The following FANCL variants were observed in gnomAD, a reference collection of about 807,000 sequenced individuals.
The protein encoded by FANCL is E3 ubiquitin-protein ligase FANCL.
A neutral mutation model predicts 59.4 loss-of-function variants in FANCL; 69 were observed. The ratio of observed to expected loss-of-function variants is 1.16; its 90% confidence interval spans 0.96 to 1.42. The LOEUF is 1.42. FANCL is among the 40% of genes most tolerant of loss of function. The pLI is 0.00. For missense variants in FANCL, 519 were observed against 447.2 expected, an observed-to-expected ratio of 1.16 and a Z score of -1.45; for synonymous variants, 180 against 147.1, an observed-to-expected ratio of 1.22 and a Z score of -1.62.
intron 1 of FANCL, among the ~76,000 whole-genome samples, chr2:58,233,933 G>A (rs1693795446): frequency 6.6e-6 from 1 of 151,960 alleles, no homozygotes; most frequent in Non-Finnish European, 1.5e-5. Context: ...GGGAAACTTA[G>A]GCTCTTATAC....
At chr2:58,181,209 TACTC>T (rs1687909099) in intron 7 of FANCL, among the ~76,000 whole-genome samples, 1 of 152,070 alleles carries the variant, frequency 6.6e-6, no homozygotes, top group Non-Finnish European at 1.5e-5. Flanking sequence ...AATGGACTAT[TACTC>T]AGGAATAAAA....
chr2:58,168,120 T>C (rs1219663817), intron 7 of FANCL, among the ~76,000 whole-genome samples: 1 of 152,186 alleles, frequency 6.6e-6, no homozygotes, highest in Admixed American at 6.5e-5. Flanking sequence ...CTAAAAAATA[T>C]TTTTAAAAAT....
intron 13 of FANCL, 131 bp downstream of exon 13, chr2:58,159,977 T>A (rs1476424678): frequency 1.4e-5 from 21 of 1,531,408 alleles, no homozygotes; most frequent in Admixed American, 2.2e-5. Context: ...TCAGAGAATT[T>A]GAAAAATAGA....
intron 7 of FANCL, among the ~76,000 whole-genome samples, chr2:58,198,166 G>A (rs1490077999): frequency 6.6e-6 from 1 of 151,946 alleles, no homozygotes; most frequent in Non-Finnish European, 1.5e-5. Context: ...AAGCATTATA[G>A]AAGGTGTGTT....
At chr2:58,203,806 T>C (rs562730257) in intron 6 of FANCL, among the ~76,000 whole-genome samples, 23 of 152,164 alleles carry the variant, frequency 1.5e-4, no homozygotes, top group Non-Finnish European at 2.9e-4. Flanking sequence ...CTTGGGATAG[T>C]GGAAGTGTCC....
At chr2:58,219,240 G>A (rs1206140733) in intron 5 of FANCL, among the ~76,000 whole-genome samples, 1 of 127,680 alleles carries the variant, frequency 7.8e-6, no homozygotes, top group Non-Finnish European at 1.6e-5. Context: ...GGACACAGGA[G>A]CCAACTGAAA....
intron 7 of FANCL, among the ~76,000 whole-genome samples, chr2:58,192,487 C>T (rs1026865691): frequency 6.6e-6 from 1 of 151,844 alleles, no homozygotes; most frequent in South Asian, 2.1e-4. Context: ...ATAATAAAAA[C>T]GAGGGTGACA....
chr2:58,232,051 C>G lies in FANCL; in HGVS notation c.155+3G>C. Reference sequence around the variant, plus strand: ...GCACGTTTATAACTAAACACCATATCACCTTGCATTCTTCAGTTGTAAATC... The same window carrying G: ...GCACGTTTATAACTAAACACCATATGACCTTGCATTCTTCAGTTGTAAATC... On this transcript the variant is annotated splice_donor_region_variant and intron_variant, in intron 2 of 13. Coordinates refer to ENST00000233741, the MANE Select transcript of FANCL (RefSeq NM_018062.4). 6.2e-7 allele frequency: 1 copy of G among 1,612,808 alleles called. No homozygotes were observed.
rs181434409 is a variant in FANCL, at chr2:58,185,038, A to G, written c.540+13556T>C. On this transcript the variant is annotated intron_variant, in intron 7 of 13. Transcript: ENST00000233741. ...CAGGAGAAAAAAGAGGCACAGGCCAAACAAGAGAAACTAGAAAACTACCTC... is the reference window on the plus strand; with the variant it reads ...CAGGAGAAAAAAGAGGCACAGGCCAGACAAGAGAAACTAGAAAACTACCTC... Among the ~76,000 whole-genome samples the G allele has an allele frequency of 5.5e-3, 836 of 152,260 alleles. 10 individuals carry two copies. The highest frequency in any genetic ancestry group is 0.017 in the Admixed American group (259 of 15,266).
intron 7 of FANCL, among the ~76,000 whole-genome samples, chr2:58,180,235 G>A (rs982657717): frequency 2.6e-5 from 4 of 152,100 alleles, no homozygotes; most frequent in African/African-American, 7.2e-5. Context: ...TATACCCAAA[G>A]AATTATAAAT....
chr2:58,205,116 G>T (rs1344896518), intron 5 of FANCL, among the ~76,000 whole-genome samples: 1 of 152,012 alleles, frequency 6.6e-6, no homozygotes. Context: ...CAGGCTGATA[G>T]TAAGACCCAT....
intron 5 of FANCL, among the ~76,000 whole-genome samples, chr2:58,216,637 C>A (rs1573749464): frequency 6.6e-6 from 1 of 152,038 alleles, no homozygotes; most frequent in East Asian, 1.9e-4. Flanking sequence ...TAGAGAAAAA[C>A]CCTTTAGTTT....
chr2:58,208,083 A>T (rs892027929), intron 5 of FANCL, among the ~76,000 whole-genome samples: 1 of 152,162 alleles, frequency 6.6e-6, no homozygotes, highest in Admixed American at 6.5e-5. Flanking sequence ...GTCTATGTTA[A>T]GTTGGACGTC....
intron 7 of FANCL, among the ~76,000 whole-genome samples, chr2:58,188,216 A>G (rs1464726562): frequency 2.6e-5 from 4 of 152,144 alleles, no homozygotes; most frequent in African/African-American, 7.2e-5. Flanking sequence ...AGCTGTCTGT[A>G]TATGTATGGG....
intron 6 of FANCL, among the ~76,000 whole-genome samples, chr2:58,202,490 TCAGTTACATGCTTTTGTTTTTCCAAAA>T (rs976828129): frequency 2.0e-5 from 3 of 151,794 alleles, no homozygotes; most frequent in African/African-American, 7.2e-5. Flanking sequence ...AACATAAGAT[TCAGTTACATGCTTTTGTTTTTCCAAAA>T]CAGTTTTTTT....
At chr2:58,164,284 C>T (rs534340612) in intron 8 of FANCL, among the ~76,000 whole-genome samples, 221 of 152,054 alleles carry the variant, frequency 1.5e-3, no homozygotes, top group African/African-American at 5.1e-3. Flanking sequence ...AAATTCCATA[C>T]ACTGTAGAAT....
At chr2:58,212,454 G>A (rs553366392) in intron 5 of FANCL, among the ~76,000 whole-genome samples, 5 of 152,214 alleles carry the variant, frequency 3.3e-5, no homozygotes, top group African/African-American at 1.2e-4. Flanking sequence ...ATCATAAAGT[G>A]ATATGTATTT....
At chr2:58,208,868 C>T (rs905285864) in intron 5 of FANCL, among the ~76,000 whole-genome samples, 2 of 152,012 alleles carry the variant, frequency 1.3e-5, no homozygotes, top group Admixed American at 1.3e-4. Flanking sequence ...TCAATGAGTC[C>T]CTATCACCTG....
upstream of FANCL, chr2:58,241,368 T>G (rs1321806556): frequency 1.3e-5 from 20 of 1,559,386 alleles, no homozygotes; most frequent in Admixed American, 2.9e-4. Context: ...GTCCTGCACA[T>G]GCGCAGTCCG....
Sources: allele counts gnomAD v4.1 joint callset (sites outside exome capture counted in the v4.1 genomes callset), GRCh38; gene constraint gnomAD v4.1.1; transcripts MANE v1.5; gene names NCBI Gene and HGNC (gene_info 2026-07-23, HGNC 2026-07-21).